The following KRT17 variants were observed in gnomAD, a reference collection of about 807,000 sequenced individuals.
The protein encoded by KRT17 is keratin, type I cytoskeletal 17.
In KRT17, 29 loss-of-function variants were observed where a neutral mutation model predicts 45.6. The observed-to-expected ratio is 0.64, with a 90% CI of 0.47 to 0.87. KRT17 has a LOEUF of 0.87. Among genes scored for constraint, KRT17 ranks in the 40% least tolerant of loss-of-function variants. KRT17 has a pLI of 0.00. For synonymous variants in KRT17, 219 were observed against 234.6 expected (o/e 0.93, Z 0.61); for missense variants, 536 against 577.8 (o/e 0.93, Z 0.74).
Position 41,620,811 on chromosome 17 carries a change from C to G in KRT17, c.1029G>C (p.Gln343His). Residue 343 changes from glutamine (Q) to histidine (H), a missense_variant, in exon 6 of 8, where the codon CAG becomes CAC. Coordinates refer to ENST00000311208, the MANE Select transcript of KRT17 (RefSeq NM_000422.3). ...GCTCCTCCACGCTGCCAATCAGCCCCTGGATCTGGGACAGCTGCACGCAGT... is the reference window on the plus strand; with the variant it reads ...GCTCCTCCACGCTGCCAATCAGCCCGTGGATCTGGGACAGCTGCACGCAGT... ...NRYCVQLSQI[Q>H]GLIGSVEEQL... 1.2e-6 allele frequency: 2 copies of G among 1,613,424 alleles called. No homozygotes were observed. Among genetic ancestry groups the G allele is most frequent in the Admixed American group, 3.3e-5 (2 of 60,026 alleles).
At position 41,624,097 on chromosome 17, in the gene KRT17, A is replaced by G. The variant is rs1243238106; in HGVS notation, c.413T>C (p.Ile138Thr). The change falls in exon 1 of 8, where the codon ATT (isoleucine) becomes ACT (threonine). Residue 138 changes from isoleucine to threonine, a missense_variant. Coordinates refer to ENST00000311208, the MANE Select transcript of KRT17 (RefSeq NM_000422.3). ...CCCTACCTTGTTCTGCAGCTCCTCAATTGTCCTGTAGTACTGGCTGTAGTC... is the reference window on the plus strand; with the variant it reads ...CCCTACCTTGTTCTGCAGCTCCTCAGTTGTCCTGTAGTACTGGCTGTAGTC... ...ARDYSQYYRT[I>T]EELQNKILTA... 6.2e-7 allele frequency: 1 copy of G among 1,611,842 alleles called. No homozygotes were observed. The highest frequency in any genetic ancestry group is 8.5e-7 in the Non-Finnish European group (1 of 1,179,840).
In KRT17 at chr17:41,620,716, G is replaced by A. The variant is rs199906402; in HGVS notation, c.1124C>T (p.Thr375Met). 26 of 1,612,214 alleles carry A rather than the reference G, an allele frequency of 1.6e-5. No individual in the cohort carries two copies. The highest frequency in any genetic ancestry group is 1.3e-4 in the East Asian group (6 of 44,876). ...QEYKILLDVK[T>M]RLEQEIATYR... is the part of the protein sequence containing the mutation. The stretch of plus-strand genomic sequence containing the variant: ...GGTGGCAATCTCCTGCTCCAGCCGC[G>A]TCTTCACATCCAGCAGGATTTTGTA... The change falls in exon 6 of 8, where the codon ACG (threonine) becomes ATG (methionine). Residue 375 changes from threonine to methionine, a missense_variant. Physicochemically the swap from Thr to Met is moderately conservative, Grantham distance 81. Transcript: ENST00000311208.
Position 41,624,160 on chromosome 17 carries a change from C to G in KRT17, c.350G>C (p.Arg117Pro), listed in dbSNP as rs775474574. 2 of 1,612,328 alleles carry G rather than the reference C, an allele frequency of 1.2e-6. No individual in the cohort carries two copies. The highest frequency in any genetic ancestry group is 2.2e-5 in the East Asian group (1 of 44,854). The change falls in exon 1 of 8, where the codon CGT becomes CCT. Residue 117 changes from arginine to proline, a missense_variant. Physicochemically the swap from Arg to Pro is moderately radical, Grantham distance 103 (BLOSUM62 -2). Transcript: ENST00000311208. ...EANTELEVKI[R>P]DWYQRQAPGP... ...CGGGGCCTGCCTCTGGTACCAGTCA[C>G]GGATCTTCACCTCCAGCTCAGTGTT...
chr17:41,622,290 G>A (rs1406795511), intron 3 of KRT17, 65 bp downstream of exon 3: 2 of 1,603,102 alleles, frequency 1.2e-6, no homozygotes, highest in Admixed American at 1.7e-5. Context: ...CTCAGCCATT[G>A]CCCAGCCCCA....
At chr17:41,619,776 T>C in intron 7 of KRT17, 88 bp from the exon 8 acceptor site, 1 of 1,598,526 alleles carries the variant, frequency 6.3e-7, no homozygotes, top group South Asian at 1.1e-5. Flanking sequence ...GCCGGCTCTC[T>C]CCCTCATCCT....
Position 41,621,045 on chromosome 17 carries a change from T to C in KRT17, c.881A>G (p.Gln294Arg), listed in dbSNP as rs376654012. The C allele has an allele frequency of 2.5e-6, 4 of 1,613,980 alleles. No homozygotes were observed. The highest frequency in any genetic ancestry group is 3.4e-6 in the Non-Finnish European group (4 of 1,179,972). ...REVATNSELV[Q>R]SGKSEISELR... is the part of the protein sequence containing the mutation. ...CTCCGAGATCTCACTCTTGCCACTC[T>C]GCACCAGCTCACTGTTGGTGGCCAC... Residue 294 changes from glutamine to arginine, a missense_variant, in exon 5 of 8, where the codon CAG becomes CGG. Transcript: ENST00000311208.
rs139367104 is a variant in KRT17 at position 41,621,676 on chromosome 17, G to A, written c.751C>T (p.Arg251Cys). 2.7e-4 allele frequency: 439 copies of A among 1,612,106 alleles called. No homozygotes were observed. Among genetic ancestry groups the A allele is most frequent in the Non-Finnish European group, 2.5e-4 (292 of 1,179,868 alleles). The change falls in exon 4 of 8, where the codon CGC becomes TGC. Residue 251 changes from arginine to cysteine, a missense_variant. Arg to Cys is a radical substitution (Grantham distance 180, BLOSUM62 -3). Coordinates refer to ENST00000311208, the MANE Select transcript of KRT17 (RefSeq NM_000422.3). ...TGGTCACGCATCTCGTTGAGGATGCGGCTCAGGTCCACGCCTGGGGCAGCG... is the reference window on the plus strand; with the variant it reads ...TGGTCACGCATCTCGTTGAGGATGCAGCTCAGGTCCACGCCTGGGGCAGCG... Reference protein sequence around the residue: ...MDAAPGVDLSRILNEMRDQYE... With the variant: ...MDAAPGVDLSCILNEMRDQYE...
chr17:41,624,075 T>C lies in KRT17; in HGVS notation c.432+3A>G. 1 of 1,612,032 alleles carries C rather than the reference T, an allele frequency of 6.2e-7. No homozygotes were observed. On this transcript the variant is annotated splice_donor_region_variant and intron_variant, in intron 1 of 7. Coordinates refer to ENST00000311208, the MANE Select transcript of KRT17 (RefSeq NM_000422.3). ...GGAGACCCCTCCCACCAGCAGGCCC[T>C]ACCTTGTTCTGCAGCTCCTCAATTG...
Position 41,619,445 on chromosome 17 carries a change from C to T in KRT17, c.*149G>A. 1 of 1,425,096 alleles carries T rather than the reference C, an allele frequency of 7.0e-7. No individual in the cohort carries two copies. The highest frequency in any genetic ancestry group is 1.4e-5 in the African/African-American group (1 of 71,142). 88.3% of individuals were successfully genotyped at this position (1,425,096 alleles called of 1,614,324 possible). On this transcript the variant is annotated 3_prime_UTR_variant, in exon 8 of 8. Coordinates refer to ENST00000311208, the MANE Select transcript of KRT17 (RefSeq NM_000422.3). Reference sequence around the variant, plus strand: ...GCCAGAACAAGGACACATTTCATAGCTGAGTCAACAAGCTTTATTGTCATC... The same window carrying T: ...GCCAGAACAAGGACACATTTCATAGTTGAGTCAACAAGCTTTATTGTCATC...
In KRT17 at chr17:41,619,455, A is replaced by G. The variant is rs111650206; in HGVS notation, c.*139T>C. The G allele has an allele frequency of 1.3e-5, 19 of 1,493,304 alleles. No homozygotes were observed. The African/African-American group carries it at 1.7e-4, about 13-fold the overall frequency. 92.5% of individuals were successfully genotyped at this position (1,493,304 alleles called of 1,614,324 possible). A position where few individuals can be genotyped will look rare whatever the true frequency, so the allele number is the denominator to read the frequency against. ...GGACACATTTCATAGCTGAGTCAAC[A>G]AGCTTTATTGTCATCAGGCAAGGAA... is the stretch of plus-strand genomic sequence containing the variant. On this transcript the variant is annotated 3_prime_UTR_variant, in exon 8 of 8. Coordinates refer to ENST00000311208, the MANE Select transcript of KRT17 (RefSeq NM_000422.3).
intron 1 of KRT17, 42 bp downstream of exon 1, chr17:41,624,036 A>T (rs1170161532): frequency 1.9e-6 from 3 of 1,611,108 alleles, no homozygotes; most frequent in Non-Finnish European, 2.5e-6. Context: ...TGGGGGGAAG[A>T]AGTCATGCCC....
At chr17:41,622,163 T>C in intron 3 of KRT17, 192 bp downstream of exon 3, 1 of 726,974 alleles carries the variant, frequency 1.4e-6, no homozygotes, top group Non-Finnish European at 2.4e-6. Flanking sequence ...AGAGAAGCAG[T>C]GTGGTACAAA....
rs1341936906 is a variant in KRT17, at chr17:41,620,960, T to A, written c.960+6A>T. ...GGCCCTCCCCCATGCACAGGACTGTTCCTACCATGCTGAGCTGGGACTGCA... is the reference window on the plus strand; with the variant it reads ...GGCCCTCCCCCATGCACAGGACTGTACCTACCATGCTGAGCTGGGACTGCA... On this transcript the variant is annotated splice_donor_region_variant and intron_variant, in intron 5 of 7. Transcript: ENST00000311208. 7.4e-6 allele frequency: 12 copies of A among 1,614,110 alleles called. No homozygotes were observed. Among genetic ancestry groups the A allele is most frequent in the African/African-American group, 1.3e-5 (1 of 75,032 alleles).
chr17:41,622,305 T>C (rs1908569216), intron 3 of KRT17, 50 bp downstream of exon 3: 1 of 1,610,108 alleles, frequency 6.2e-7, no homozygotes, highest in Admixed American at 1.7e-5. Flanking sequence ...GCCCCAGGGC[T>C]CTGCCACCCA....
intron 7 of KRT17, 80 bp downstream of exon 7, chr17:41,620,456 G>T: frequency 6.2e-7 from 1 of 1,611,468 alleles, no homozygotes; most frequent in Non-Finnish European, 8.5e-7. Context: ...AGCTCCTGGG[G>T]ACCCTGCCCC....
rs755542251 is a variant in KRT17 at position 41,623,017 on chromosome 17, C to T, written c.448G>A (p.Val150Met). 5 of 1,613,228 alleles carry T rather than the reference C, an allele frequency of 3.1e-6. No individual in the cohort carries two copies. The African/African-American group carries it at 4.0e-5, about 13-fold the overall frequency. Residue 150 changes from valine (V) to methionine (M), a missense_variant, in exon 2 of 8, where the codon GTG (valine) becomes ATG (methionine). Physicochemically the swap from Val to Met is conservative, Grantham distance 21 (BLOSUM62 1). Transcript: ENST00000311208. ...TGTAGCAGGATGTTGGCATTGTCCA[C>T]GGTGGCTGTGAGGATCTGAGGAGAA... ...ELQNKILTATVDNANILLQID... is the reference protein window; with the variant it reads ...ELQNKILTATMDNANILLQID...
chr17:41,622,876 C>T (rs1383768502), intron 2 of KRT17, 74 bp downstream of exon 2: 1 of 1,328,322 alleles, frequency 7.5e-7, no homozygotes, highest in Non-Finnish European at 1.1e-6. Flanking sequence ...CCAAGGAATC[C>T]TGGGGTCAGG....
At chr17:41,623,061 T>C (rs1908600009) in intron 1 of KRT17, 29 bp from the exon 2 acceptor site, 1 of 1,561,172 alleles carries the variant, frequency 6.4e-7, no homozygotes, top group East Asian at 2.2e-5. Context: ...AGTCAGGTCA[T>C]TGGATGGGGG....
intron 2 of KRT17, 131 bp from the exon 3 acceptor site, chr17:41,622,642 C>T (rs1298275972): frequency 2.5e-5 from 28 of 1,100,272 alleles, no homozygotes; most frequent in African/African-American, 3.1e-5. Context: ...CGAGTGGAAA[C>T]GAATTCCAGC....
Sources: allele counts gnomAD v4.1 joint callset, GRCh38; gene constraint gnomAD v4.1.1; transcripts MANE v1.5; gene names NCBI Gene and HGNC (gene_info 2026-07-23, HGNC 2026-07-21).